TRAPPC10: variants seen among roughly 807,000 people sequenced by gnomAD.
TRAPPC10 encodes trafficking protein particle complex subunit 10, also known as TRAPP 130 kDa subunit.
A neutral mutation model predicts 125.5 loss-of-function variants in TRAPPC10; 23 were observed. The observed-to-expected ratio is 0.18, with a 90% CI of 0.13 to 0.26. The LOEUF (loss-of-function observed/expected upper bound fraction) is 0.26, where lower values mean the gene tolerates loss of function less well. Among genes scored for constraint, TRAPPC10 ranks in the 10% least tolerant of loss-of-function variants. TRAPPC10 has a pLI of 1.00. For missense variants in TRAPPC10, 1,123 were observed against 1,308.4 expected, an observed-to-expected ratio of 0.86 and a Z score of 2.19; for synonymous variants, 509 against 518.0, an observed-to-expected ratio of 0.98 and a Z score of 0.24.
At chr21:44,065,170 A>G (rs532678187) in intron 7 of TRAPPC10, among the ~76,000 whole-genome samples, 1 of 152,268 alleles carries the variant, frequency 6.6e-6, no homozygotes, top group South Asian at 2.1e-4. Flanking sequence ...CGACCCCAGG[A>G]GGCTGATTGG....
intron 1 of TRAPPC10, among the ~76,000 whole-genome samples, chr21:44,016,251 G>A (rs529509529): frequency 6.6e-6 from 1 of 152,260 alleles, no homozygotes; most frequent in Non-Finnish European, 1.5e-5. Flanking sequence ...TCAGCCACAG[G>A]GTCAGTTTTC....
At chr21:44,031,067 A>T in intron 1 of TRAPPC10, among the ~76,000 whole-genome samples, 1 of 152,154 alleles carries the variant, frequency 6.6e-6, no homozygotes, top group African/African-American at 2.4e-5. Context: ...CCGGGCAGTG[A>T]GGTTACCAGC....
At position 44,089,928 on chromosome 21, in the gene TRAPPC10, A is replaced by C; in HGVS notation, c.2865A>C (p.Gly955=). The change falls in exon 18 of 23, where the codon GGA becomes GGC. Residue 955 remains glycine (G), a synonymous_variant. Coordinates refer to ENST00000291574, the MANE Select transcript of TRAPPC10 (RefSeq NM_003274.5). ...FRTTHSLLSS[G]TRKYVQVCVQ... ...CCACACACAGCCTCCTGTCCTCAGG[A>C]ACACGGTAACGGAGGCGTAGCGTGC... is the stretch of plus-strand genomic sequence containing the variant. 1 of 1,612,884 alleles carries C rather than the reference A, an allele frequency of 6.2e-7. No individual in the cohort carries two copies. Among genetic ancestry groups the C allele is most frequent in the Non-Finnish European group, 8.5e-7 (1 of 1,179,048 alleles).
intron 7 of TRAPPC10, among the ~76,000 whole-genome samples, chr21:44,066,600 C>A (rs567086257): frequency 6.6e-6 from 1 of 152,166 alleles, no homozygotes; most frequent in Non-Finnish European, 1.5e-5. Flanking sequence ...AAATAACAGA[C>A]AAATATACGA....
At chr21:44,046,768 A>G (rs2145795390) in intron 3 of TRAPPC10, 1 of 454,644 alleles carries the variant, frequency 2.2e-6, no homozygotes, top group Non-Finnish European at 4.1e-6. Flanking sequence ...TTAGCCTCCC[A>G]AAGTGCTGGG....
At chr21:44,051,229 G>T (rs1392535248) in intron 3 of TRAPPC10, among the ~76,000 whole-genome samples, 2 of 152,158 alleles carry the variant, frequency 1.3e-5, no homozygotes, top group African/African-American at 2.4e-5. Flanking sequence ...ACTCACTCGT[G>T]GATACTCTGA....
In TRAPPC10 at chr21:44,045,010, A is replaced by G. The variant is rs1413357160; in HGVS notation, c.285+7083A>G. 2.0e-5 allele frequency among the ~76,000 whole-genome samples: 3 copies of G among 150,248 alleles called. No individual in the cohort carries two copies. The East Asian group carries it at 5.9e-4, about 29-fold the overall frequency. ...CCATTGCTGCCTGTTCCTTTTCTTTAAAATCCCTCCGCCTCCCGGGTTCAA... is the reference window on the plus strand; with the variant it reads ...CCATTGCTGCCTGTTCCTTTTCTTTGAAATCCCTCCGCCTCCCGGGTTCAA... On this transcript the variant is annotated intron_variant, in intron 3 of 22. Transcript: ENST00000291574.
At position 44,051,904 on chromosome 21, in the gene TRAPPC10, T is replaced by C. The variant is rs552985174; in HGVS notation, c.286-376T>C. Among the ~76,000 whole-genome samples the C allele has an allele frequency of 3.0e-4, 45 of 152,286 alleles. 1 individual carries two copies. Among genetic ancestry groups the C allele is most frequent in the Admixed American group, 2.7e-3 (41 of 15,300 alleles). ...ACGGCACACAGCAGGATGGCAGTCATGTAGTGCTTGGGCCCAGAGCTGTTG... is the reference window on the plus strand; with the variant it reads ...ACGGCACACAGCAGGATGGCAGTCACGTAGTGCTTGGGCCCAGAGCTGTTG... On this transcript the variant is annotated intron_variant, in intron 3 of 22. Coordinates refer to ENST00000291574, the MANE Select transcript of TRAPPC10 (RefSeq NM_003274.5).
At position 44,025,988 on chromosome 21, in the gene TRAPPC10, T is replaced by C. The variant is rs376531518; in HGVS notation, c.68-6103T>C. 1.6e-4 allele frequency among the ~76,000 whole-genome samples: 24 copies of C among 152,152 alleles called. 1 individual carries two copies. The highest frequency in any genetic ancestry group is 5.3e-4 in the African/African-American group (22 of 41,500). ...GCAGGGGGTGTACTGAGTACTTCTT[T>C]AGACTTGGCCTTTAAACTTGGTGGT... On this transcript the variant is annotated intron_variant, in intron 1 of 22. Coordinates refer to ENST00000291574, the MANE Select transcript of TRAPPC10 (RefSeq NM_003274.5).
intron 3 of TRAPPC10, among the ~76,000 whole-genome samples, chr21:44,045,422 A>T (rs1296981632): frequency 6.6e-6 from 1 of 152,040 alleles, no homozygotes; most frequent in African/African-American, 2.4e-5. Context: ...AGGGAATTCT[A>T]GGTTGACAAT....
Position 44,087,011 on chromosome 21 carries a change from CTG to C in TRAPPC10, c.2539+56_2539+57del. ...AGGAGGATGCCCACCTTGCCCTGCA[CTG>C]TGTGGGTGTGAGGGTGAGCCTGGCC... On this transcript the variant is annotated intron_variant, in intron 16 of 22. Coordinates refer to ENST00000291574, the MANE Select transcript of TRAPPC10 (RefSeq NM_003274.5). The surrounding 1 kb of genome is among the most constrained non-coding windows in gnomAD (Gnocchi z 4.6). The C allele has an allele frequency of 1.3e-6, 2 of 1,599,670 alleles. No homozygotes were observed. Among genetic ancestry groups the C allele is most frequent in the African/African-American group, 1.3e-5 (1 of 74,844 alleles).
At chr21:44,076,523 A>G (rs777663199) in intron 9 of TRAPPC10, 29 bp from the exon 10 acceptor site, 1 of 1,573,100 alleles carries the variant, frequency 6.4e-7, no homozygotes, top group Non-Finnish European at 8.7e-7. Flanking sequence ...ATGAAGATGA[A>G]GAGGGACTCT....
At chr21:44,016,429 C>T (rs752137793) in intron 1 of TRAPPC10, among the ~76,000 whole-genome samples, 44 of 152,110 alleles carry the variant, frequency 2.9e-4, no homozygotes, top group Non-Finnish European at 5.6e-4. Context: ...CTGTTATTAG[C>T]TTGGAATTGA....
chr21:44,022,475 T>TTTTTA (rs2032626708), intron 1 of TRAPPC10, among the ~76,000 whole-genome samples: 2 of 143,466 alleles, frequency 1.4e-5, no homozygotes, highest in African/African-American at 5.1e-5. Context: ...TTTTTTTTTT[T>TTTTTA]ACAAAGACGG....
chr21:44,059,063 A>C lies in TRAPPC10; in HGVS notation c.679-40A>C, dbSNP rs1328936100. ...TACTGTTTCTTCTATACATTGATTTATGTTTTTGTTTTTTTAAAAAACGTA... is the reference window on the plus strand; with the variant it reads ...TACTGTTTCTTCTATACATTGATTTCTGTTTTTGTTTTTTTAAAAAACGTA... On this transcript the variant is annotated intron_variant, in intron 5 of 22. Transcript: ENST00000291574. The surrounding 1 kb of genome is among the most constrained non-coding windows in gnomAD (Gnocchi z 4.4). 1 of 1,486,656 alleles carries C rather than the reference A, an allele frequency of 6.7e-7. No individual in the cohort carries two copies. The highest frequency in any genetic ancestry group is 1.4e-5 in the African/African-American group (1 of 71,038). The allele number at this position is 1,486,656 out of a possible 1,614,324, so 92.1% of individuals were successfully genotyped here.
Position 44,080,130 on chromosome 21 carries a change from A to G in TRAPPC10, c.1723+3A>G. Reference sequence around the variant, plus strand: ...CAGCCAGCCGTCAGACAGCCCAGGTAAGACCAGTTCTTACAACTTGACTAG... The same window carrying G: ...CAGCCAGCCGTCAGACAGCCCAGGTGAGACCAGTTCTTACAACTTGACTAG... On this transcript the variant is annotated splice_donor_region_variant and intron_variant, in intron 13 of 22. Coordinates refer to ENST00000291574, the MANE Select transcript of TRAPPC10 (RefSeq NM_003274.5). The G allele has an allele frequency of 6.2e-7, 1 of 1,612,316 alleles. No homozygotes were observed. Among genetic ancestry groups the G allele is most frequent in the South Asian group, 1.1e-5 (1 of 91,044 alleles).
chr21:44,091,786 C>T, intron 18 of TRAPPC10, 137 bp from the exon 19 acceptor site: 1 of 852,742 alleles, frequency 1.2e-6, no homozygotes, highest in Non-Finnish European at 1.8e-6. Context: ...TGAAGGGAAA[C>T]TTATGCAACA....
chr21:44,061,869 A>G (rs2036083355), intron 6 of TRAPPC10, among the ~76,000 whole-genome samples: 1 of 152,256 alleles, frequency 6.6e-6, no homozygotes, highest in South Asian at 2.1e-4. Flanking sequence ...TAGGAGCTTT[A>G]AAAGCTGCGT....
intron 18 of TRAPPC10, among the ~76,000 whole-genome samples, chr21:44,090,650 C>T (rs1054994332): frequency 2.0e-5 from 3 of 152,098 alleles, no homozygotes; most frequent in Admixed American, 1.3e-4. Flanking sequence ...GGGAGGCCCA[C>T]GGTGTCCAGG....
Sources: allele counts gnomAD v4.1 joint callset (sites outside exome capture counted in the v4.1 genomes callset), GRCh38; gene constraint gnomAD v4.1.1; non-coding constraint Gnocchi (gnomAD v3.1); transcripts MANE v1.5; gene names NCBI Gene and HGNC (gene_info 2026-07-23, HGNC 2026-07-21).